CLCN6: variants seen among roughly 807,000 people sequenced by gnomAD.
The protein encoded by CLCN6 is Cl-/H+ antiporter 6, also known as H(+)/Cl(-) exchange transporter 6.
In CLCN6, 70 loss-of-function variants were observed where a neutral mutation model predicts 109.8. The ratio of observed to expected loss-of-function variants is 0.64; its 90% CI spans 0.53 to 0.78. The LOEUF (loss-of-function observed/expected upper bound fraction) is 0.78. CLCN6 is among the 30% of genes least tolerant of loss of function. The pLI, the probability that CLCN6 is intolerant of heterozygous loss-of-function variation, is 0.00. For missense variants in CLCN6, 984 were observed against 1,142.3 expected (o/e 0.86, Z 2.00); for synonymous variants, 444 against 447.8 (o/e 0.99, Z 0.11).
chr1:11,826,048 G>C (rs1012733704), intron 8 of CLCN6, 108 bp from the exon 9 acceptor site: 1 of 791,094 alleles, frequency 1.3e-6, no homozygotes, highest in African/African-American at 1.7e-5. Context: ...TCAGTCCTAG[G>C]CTGCCCCTGA....
At chr1:11,810,532 C>T (rs1041185347) in intron 2 of CLCN6, among the ~76,000 whole-genome samples, 3 of 152,160 alleles carry the variant, frequency 2.0e-5, no homozygotes, top group South Asian at 2.1e-4. Context: ...TGGTTCAGCC[C>T]CCACCTCCCT....
At chr1:11,808,682 C>CTT (rs35849926) in intron 2 of CLCN6, among the ~76,000 whole-genome samples, 1 of 136,316 alleles carries the variant, frequency 7.3e-6, no homozygotes. Context: ...CTTCCTTCAT[C>CTT]TTTTTTTTTT....
chr1:11,812,123 AAGT>A (rs1644606363), intron 2 of CLCN6, among the ~76,000 whole-genome samples: 1 of 152,190 alleles, frequency 6.6e-6, no homozygotes, highest in Admixed American at 6.5e-5. Flanking sequence ...CAAAAAAAAA[AAGT>A]AGTAGGTTGT....
rs759941293 is a variant in CLCN6, at chr1:11,827,103, T to C, written c.722T>C (p.Phe241Ser). ...CCTCTCCTCAGAGACAAGAGAGACT[T>C]TGTATCAGCAGGAGCGGCTGCTGGA... ...YFRSDRDKRD[F>S]VSAGAAAGVA... The change falls in exon 10 of 23, where the codon TTT becomes TCT. Residue 241 changes from phenylalanine (F) to serine (S), a missense_variant. Coordinates refer to ENST00000346436, the MANE Select transcript of CLCN6 (RefSeq NM_001286.5). The C allele has an allele frequency of 4.3e-6, 7 of 1,613,790 alleles. No homozygotes were observed. The highest frequency in any genetic ancestry group is 5.9e-6 in the Non-Finnish European group (7 of 1,179,890).
chr1:11,831,549 C>T (rs1455724224), intron 13 of CLCN6, among the ~76,000 whole-genome samples: 1 of 152,070 alleles, frequency 6.6e-6, no homozygotes, highest in African/African-American at 2.4e-5. Context: ...CTGTCTGGCT[C>T]TTTATGAAAA....
rs990302872 is a variant in CLCN6, at chr1:11,835,839, GC to G, written c.1794-127del. 4.5e-6 allele frequency: 3 copies of G among 667,188 alleles called. No homozygotes were observed. In the African/African-American group the frequency reaches 5.5e-5, roughly 12 times the overall value. 41.3% of individuals were successfully genotyped at this position (667,188 alleles called of 1,614,324 possible). A position where few individuals can be genotyped will look rare whatever the true frequency, so the allele number is the denominator to read the frequency against. ...AGGAATGCATCGGGTTTGAGGGAGA[GC>G]TGGGGCAGTTCAGAAGAGCCCCCCA... On this transcript the variant is annotated intron_variant, in intron 17 of 22. Coordinates refer to ENST00000346436, the MANE Select transcript of CLCN6 (RefSeq NM_001286.5).
intron 2 of CLCN6, among the ~76,000 whole-genome samples, chr1:11,813,526 G>A (rs1041749640): frequency 2.0e-5 from 3 of 152,082 alleles, no homozygotes; most frequent in Admixed American, 2.0e-4. Flanking sequence ...TAGTAGCTGG[G>A]ATTACAAGTG....
At chr1:11,812,117 A>C (rs1228188449) in intron 2 of CLCN6, among the ~76,000 whole-genome samples, 1 of 152,176 alleles carries the variant, frequency 6.6e-6, no homozygotes, top group Non-Finnish European at 1.5e-5. Context: ...CCATCTCAAA[A>C]AAAAAAAGTA....
intron 13 of CLCN6, among the ~76,000 whole-genome samples, chr1:11,830,681 T>C (rs34825847): frequency 5.7e-4 from 85 of 149,552 alleles, no homozygotes; most frequent in Non-Finnish European, 7.4e-4. Context: ...CAGATCCCCA[T>C]TGGGGCCCTT....
chr1:11,810,362 A>G (rs114675685), intron 2 of CLCN6, among the ~76,000 whole-genome samples: 20 of 152,236 alleles, frequency 1.3e-4, no homozygotes, highest in African/African-American at 4.6e-4. Context: ...CACACAGTCT[A>G]TTTATATTGT....
At chr1:11,806,628 G>GA in intron 1 of CLCN6, 1 of 438,828 alleles carries the variant, frequency 2.3e-6, no homozygotes, top group South Asian at 4.6e-5. Flanking sequence ...AGTTTGGAAT[G>GA]AAACAAGCGT....
chr1:11,826,266 G>T (rs367810858), intron 9 of CLCN6, 52 bp downstream of exon 9: 3 of 1,433,362 alleles, frequency 2.1e-6, no homozygotes, highest in African/African-American at 1.4e-5. Flanking sequence ...ATGTTCATGC[G>T]CTGCGGGTCA....
At chr1:11,825,124 C>T (rs1488851737) in intron 8 of CLCN6, among the ~76,000 whole-genome samples, 1 of 152,192 alleles carries the variant, frequency 6.6e-6, no homozygotes, top group South Asian at 2.1e-4. Context: ...AGCTCCCATT[C>T]TTGGGGGCTA....
chr1:11,810,349 G>C (rs1355501581), intron 2 of CLCN6, among the ~76,000 whole-genome samples: 1 of 152,180 alleles, frequency 6.6e-6, no homozygotes, highest in Non-Finnish European at 1.5e-5. Flanking sequence ...TTTTCATGCA[G>C]GTCACACAGT....
intron 5 of CLCN6, 124 bp from the exon 6 acceptor site, chr1:11,822,571 T>C (rs367715951): frequency 3.4e-6 from 2 of 587,390 alleles, no homozygotes; most frequent in East Asian, 2.8e-5. Context: ...AAAATTTTTA[T>C]ATATAGAGAA....
chr1:11,836,277 T>G, intron 18 of CLCN6, 124 bp downstream of exon 18: 1 of 821,234 alleles, frequency 1.2e-6, no homozygotes, highest in South Asian at 1.8e-5. Flanking sequence ...GTTGGCACTG[T>G]TCTCATCACA....
chr1:11,821,096 A>AC (rs1644736817), intron 5 of CLCN6, among the ~76,000 whole-genome samples: 6 of 152,050 alleles, frequency 3.9e-5, no homozygotes, highest in Admixed American at 1.3e-4. Flanking sequence ...ACAAAAAAAA[A>AC]AAACAAACAA....
chr1:11,839,583 C>T (rs146370969), intron 22 of CLCN6, among the ~76,000 whole-genome samples: 3 of 152,362 alleles, frequency 2.0e-5, no homozygotes, highest in Non-Finnish European at 4.4e-5. Context: ...TTCTATGCGG[C>T]ACAACCCTGG....
At chr1:11,820,426 G>A in intron 5 of CLCN6, 1 of 713,368 alleles carries the variant, frequency 1.4e-6, no homozygotes, top group Non-Finnish European at 2.6e-6. Context: ...GTTGTCAAGA[G>A]TGGGGAATAA....
Sources: gnomAD v4.1 joint callset for allele counts (sites outside exome capture counted in the v4.1 genomes callset) on GRCh38, gnomAD v4.1.1 for gene constraint, MANE v1.5 for transcripts, NCBI Gene and HGNC (gene_info 2026-07-23, HGNC 2026-07-21) for gene names.